Variants in FRMD5 observed in about 807,000 individuals in gnomAD.
FRMD5 encodes the protein FERM domain containing 5.
In FRMD5, 20 loss-of-function variants were observed where a neutral mutation model predicts 69.0. The ratio of observed to expected loss-of-function variants is 0.29; its 90% CI spans 0.20 to 0.42. The LOEUF (loss-of-function observed/expected upper bound fraction) is 0.42. FRMD5 is among the 10% of genes least tolerant of loss of function. The pLI is 1.00. For synonymous variants in FRMD5, 271 were observed against 260.1 expected (o/e 1.04, Z -0.40); for missense variants, 595 against 708.6 (o/e 0.84, Z 1.82).
intron 1 of FRMD5, among the ~76,000 whole-genome samples, chr15:43,987,163 C>A (rs757832198): frequency 1.3e-5 from 2 of 152,152 alleles, no homozygotes; most frequent in Non-Finnish European, 2.9e-5. Context: ...AATTAATAAC[C>A]CTACTACGGC....
At chr15:43,964,651 T>G (rs982935881) in intron 1 of FRMD5, among the ~76,000 whole-genome samples, 2 of 152,232 alleles carry the variant, frequency 1.3e-5, no homozygotes, top group Non-Finnish European at 2.9e-5. Flanking sequence ...ATGCACATAT[T>G]CAGAATCCTG....
At chr15:43,911,936 T>C (rs918457893) in intron 4 of FRMD5, among the ~76,000 whole-genome samples, 1 of 152,112 alleles carries the variant, frequency 6.6e-6, no homozygotes, top group Non-Finnish European at 1.5e-5. Flanking sequence ...GGCTTGAAGA[T>C]TCAAGCAATT....
chr15:43,875,390 A>ATATATATATATGTATG (rs1385798025), intron 13 of FRMD5, among the ~76,000 whole-genome samples: 18 of 124,814 alleles, frequency 1.4e-4, no homozygotes, highest in African/African-American at 5.7e-4. Flanking sequence ...ATATATATAT[A>ATATATATATATGTATG]TATGTATGTA....
intron 1 of FRMD5, among the ~76,000 whole-genome samples, chr15:44,112,729 A>G (rs2076816070): frequency 6.6e-6 from 1 of 151,952 alleles, no homozygotes; most frequent in African/African-American, 2.4e-5. Context: ...CGGCCTCCCA[A>G]AGTGCTAGGA....
chr15:44,016,501 T>A (rs1250938826), intron 1 of FRMD5, among the ~76,000 whole-genome samples: 3 of 152,072 alleles, frequency 2.0e-5, no homozygotes, highest in African/African-American at 7.2e-5. Flanking sequence ...GGCAGGTGGA[T>A]CACCTGAGGT....
At chr15:43,905,401 T>TGCTG (rs1298748166) in intron 6 of FRMD5, among the ~76,000 whole-genome samples, 1 of 152,178 alleles carries the variant, frequency 6.6e-6, no homozygotes, top group Non-Finnish European at 1.5e-5. Context: ...CCTCCCAAAG[T>TGCTG]GCTGGGATTA....
intron 1 of FRMD5, among the ~76,000 whole-genome samples, chr15:44,138,056 G>C (rs2077213025): frequency 6.6e-6 from 1 of 152,282 alleles, no homozygotes; most frequent in African/African-American, 2.4e-5. Context: ...GAACCAGATG[G>C]AGGCAACCAC....
chr15:43,985,043 G>A (rs1889320013), intron 1 of FRMD5, among the ~76,000 whole-genome samples: 2 of 151,322 alleles, frequency 1.3e-5, no homozygotes, highest in Admixed American at 1.3e-4. Context: ...CACTTTGGGA[G>A]GCCAAGGCAG....
At chr15:43,926,572 T>C (rs1368351686) in intron 1 of FRMD5, among the ~76,000 whole-genome samples, 1 of 152,096 alleles carries the variant, frequency 6.6e-6, no homozygotes, top group African/African-American at 2.4e-5. Context: ...ACTCACCACA[T>C]ACTATCCAAG....
At chr15:44,115,663 T>G (rs2076857950) in intron 1 of FRMD5, among the ~76,000 whole-genome samples, 1 of 152,150 alleles carries the variant, frequency 6.6e-6, no homozygotes, top group African/African-American at 2.4e-5. Flanking sequence ...AAAGAATAAA[T>G]TCAAATTTTC....
intron 1 of FRMD5, among the ~76,000 whole-genome samples, chr15:44,041,371 A>C (rs957588254): frequency 7.9e-5 from 12 of 152,136 alleles, no homozygotes; most frequent in Non-Finnish European, 1.3e-4. Context: ...CTCTACCCCA[A>C]ATCAACAGAA....
At chr15:44,195,721 T>G (rs1018700663), upstream of FRMD5, among the ~76,000 whole-genome samples, 3 of 151,954 alleles carry the variant, frequency 2.0e-5, no homozygotes. Context: ...TCGCTCCAGA[T>G]AGGGCGACTG....
chr15:43,972,359 T>C (rs1372091975), intron 1 of FRMD5, among the ~76,000 whole-genome samples: 1 of 152,138 alleles, frequency 6.6e-6, no homozygotes. Flanking sequence ...AAATGGAATT[T>C]GTTTGCTTGG....
intron 1 of FRMD5, among the ~76,000 whole-genome samples, chr15:44,074,291 C>CT (rs1169481401): frequency 6.6e-6 from 1 of 151,532 alleles, no homozygotes; most frequent in African/African-American, 2.4e-5. Flanking sequence ...TCTTTTTTTT[C>CT]TTTTTTCTGA....
At chr15:44,154,364 T>A (rs556312098) in intron 1 of FRMD5, among the ~76,000 whole-genome samples, 34 of 148,602 alleles carry the variant, frequency 2.3e-4, no homozygotes, top group African/African-American at 7.4e-4. Context: ...GAAAAAACTT[T>A]AAAAAAAAAA....
At position 44,040,631 on chromosome 15, in the gene FRMD5, C is replaced by T. The variant is rs543588877; in HGVS notation, c.103-116322G>A. ...AGCAAATGTTGAGAGATTTTGTCAC[C>T]ACCAGGCCTGCCTTACAAGAGCTCC... On this transcript the variant is annotated intron_variant, in intron 1 of 13. Coordinates refer to ENST00000417257, the MANE Select transcript of FRMD5 (RefSeq NM_032892.5). Among the ~76,000 whole-genome samples, 11 of 152,164 alleles carry T rather than the reference C, an allele frequency of 7.2e-5. No individual in the cohort carries two copies. The South Asian group carries it at 2.1e-3, about 29-fold the overall frequency.
At chr15:44,097,635 A>G (rs1331518639) in intron 1 of FRMD5, among the ~76,000 whole-genome samples, 1 of 152,192 alleles carries the variant, frequency 6.6e-6, no homozygotes. Context: ...ACACACACAG[A>G]ACCGTCTATC....
chr15:44,059,349 T>C (rs562617164), intron 1 of FRMD5, among the ~76,000 whole-genome samples: 10 of 152,196 alleles, frequency 6.6e-5, no homozygotes, highest in African/African-American at 1.9e-4. Flanking sequence ...AGAGTCTGCA[T>C]AGGTTCTAGA....
At chr15:43,994,291 T>C (rs76107285) in intron 1 of FRMD5, among the ~76,000 whole-genome samples, 5,197 of 152,264 alleles carry the variant, frequency 0.034, 162 homozygotes, top group Non-Finnish European at 0.045. Flanking sequence ...GAACATCTTA[T>C]AGTTATAACA....
Sources: allele counts gnomAD v4.1 joint callset (sites outside exome capture counted in the v4.1 genomes callset), GRCh38; gene constraint gnomAD v4.1.1; transcripts MANE v1.5; gene names NCBI Gene and HGNC (gene_info 2026-07-23, HGNC 2026-07-21).